JARID2: variants seen among roughly 807,000 people sequenced by gnomAD.
JARID2 encodes the protein jumonji and AT-rich interaction domain containing 2.
A neutral mutation model predicts 125.6 loss-of-function variants in JARID2; 21 were observed. That is an observed-to-expected ratio of 0.17 (90% confidence interval 0.12 to 0.24). JARID2 has a LOEUF of 0.24. Ranked by LOEUF, JARID2 falls within the 10% of genes least tolerant of loss-of-function variation. The probability of loss-of-function intolerance (pLI) is 1.00; values close to 1 mark genes in which losing one functional copy is unlikely to be tolerated. For synonymous variants in JARID2, 736 were observed against 661.6 expected (o/e 1.11, Z -1.73); for missense variants, 1,303 against 1,639.6 (o/e 0.79, Z 3.55).
chr6:15,315,004 T>C (rs1762132691), intron 1 of JARID2: 1 of 152,172 alleles, frequency 6.6e-6, no homozygotes. Context: ...GACACAGAAA[T>C]TTGTGAAGCA....
At chr6:15,358,880 G>C (rs1763695515) in intron 1 of JARID2, among the ~76,000 whole-genome samples, 1 of 152,220 alleles carries the variant, frequency 6.6e-6, no homozygotes. Flanking sequence ...TTCTAGAGCA[G>C]CCATTCTGAG....
intron 14 of JARID2, among the ~76,000 whole-genome samples, chr6:15,512,666 G>A (rs1404587266): frequency 2.0e-5 from 3 of 152,142 alleles, no homozygotes; most frequent in Non-Finnish European, 4.4e-5. Flanking sequence ...TAATTGCTTA[G>A]AATGGACAGA....
intron 1 of JARID2, among the ~76,000 whole-genome samples, chr6:15,367,122 A>G (rs189695732): frequency 6.6e-6 from 1 of 152,322 alleles, no homozygotes; most frequent in Admixed American, 6.5e-5. Flanking sequence ...TGGGTAATAA[A>G]TGACTTGACC....
rs578205060 is a variant in JARID2, at chr6:15,304,802, G to A, written c.45+58218G>A. On this transcript the variant is annotated intron_variant, in intron 1 of 17. Coordinates refer to ENST00000341776, the MANE Select transcript of JARID2 (RefSeq NM_004973.4). Reference sequence around the variant, plus strand: ...TATGAGCATTTTCTGTTTTTCCTGGGAGTCCATGGGTGTGTCCAGTGCTGG... The same window carrying A: ...TATGAGCATTTTCTGTTTTTCCTGGAAGTCCATGGGTGTGTCCAGTGCTGG... Among the ~76,000 whole-genome samples the A allele has an allele frequency of 9.9e-5, 15 of 152,228 alleles. No individual in the cohort carries two copies. In the South Asian group the frequency reaches 2.9e-3, roughly 29 times the overall value.
At chr6:15,437,874 T>C (rs142196672) in intron 3 of JARID2, among the ~76,000 whole-genome samples, 1 of 151,844 alleles carries the variant, frequency 6.6e-6, no homozygotes, top group South Asian at 2.1e-4. Flanking sequence ...GGAGGACAAA[T>C]AAATTCTTAG....
chr6:15,440,515 G>T (rs1196831332), intron 3 of JARID2, among the ~76,000 whole-genome samples: 1 of 152,206 alleles, frequency 6.6e-6, no homozygotes, highest in South Asian at 2.1e-4. Flanking sequence ...GTGCAGTGTT[G>T]AATGTTGGGA....
rs372485140 is a variant in JARID2, at chr6:15,416,447, A to C, written c.323+6082A>C. 2.6e-5 allele frequency among the ~76,000 whole-genome samples: 4 copies of C among 152,292 alleles called. No individual in the cohort carries two copies. The South Asian group carries it at 6.2e-4, about 24-fold the overall frequency. On this transcript the variant is annotated intron_variant, in intron 3 of 17. Transcript: ENST00000341776. ...CCGTCTGCAATCCCGGCACCTCGGG[A>C]GGCCGAGGCTGGCGGATCACTCGCG...
At chr6:15,337,176 A>G (rs1245647688) in intron 1 of JARID2, among the ~76,000 whole-genome samples, 3 of 152,172 alleles carry the variant, frequency 2.0e-5, no homozygotes, top group Non-Finnish European at 4.4e-5. Flanking sequence ...CTGCCGATCA[A>G]AACCCCCAGA....
At chr6:15,339,621 T>C (rs1185656218) in intron 1 of JARID2, among the ~76,000 whole-genome samples, 11 of 147,854 alleles carry the variant, frequency 7.4e-5, no homozygotes, top group Admixed American at 2.1e-4. Flanking sequence ...CCGCAACCTC[T>C]GCCTCCTGGG....
chr6:15,519,329 G>A (rs1403710551), intron 17 of JARID2, among the ~76,000 whole-genome samples: 3 of 152,130 alleles, frequency 2.0e-5, no homozygotes. Flanking sequence ...GCCTTCCGAA[G>A]GCACCTTTAA....
At chr6:15,312,450 A>C (rs938726601) in intron 1 of JARID2, among the ~76,000 whole-genome samples, 6 of 152,202 alleles carry the variant, frequency 3.9e-5, no homozygotes, top group African/African-American at 1.4e-4. Context: ...AACTGCACAC[A>C]TCTGGGTATT....
chr6:15,469,370 CTCCCCCTCTCCCCCTCTCCCCCTT>C (rs1244986681), intron 5 of JARID2, among the ~76,000 whole-genome samples: 97 of 27,530 alleles, frequency 3.5e-3, no homozygotes, highest in Middle Eastern at 0.013. Context: ...TCCTCCCCTT[CTCCCCCTCTCCCCCTCTCCCCCTT>C]TCCCCCTCTC....
chr6:15,436,418 C>T (rs1357318267), intron 3 of JARID2, among the ~76,000 whole-genome samples: 2 of 152,196 alleles, frequency 1.3e-5, no homozygotes, highest in East Asian at 3.9e-4. Flanking sequence ...GTGTCGTCTT[C>T]CGCTGATGTG....
intron 5 of JARID2, among the ~76,000 whole-genome samples, chr6:15,482,740 C>T (rs1328459496): frequency 1.3e-5 from 2 of 152,216 alleles, no homozygotes; most frequent in Non-Finnish European, 2.9e-5. Flanking sequence ...GTAGGCTCTA[C>T]TGGTAGTTTC....
At chr6:15,345,860 G>C (rs1187320965) in intron 1 of JARID2, among the ~76,000 whole-genome samples, 1 of 152,190 alleles carries the variant, frequency 6.6e-6, no homozygotes, top group Non-Finnish European at 1.5e-5. Context: ...GGCTCACACT[G>C]ATGAAGCCTT....
At chr6:15,326,226 G>C (rs1007485199) in intron 1 of JARID2, among the ~76,000 whole-genome samples, 2 of 151,910 alleles carry the variant, frequency 1.3e-5, no homozygotes, top group Non-Finnish European at 1.5e-5. Flanking sequence ...ACATTTTTTT[G>C]GGGGGTGGAA....
intron 2 of JARID2, among the ~76,000 whole-genome samples, chr6:15,383,176 T>C (rs1019476148): frequency 6.6e-6 from 1 of 152,054 alleles, no homozygotes; most frequent in Non-Finnish European, 1.5e-5. Context: ...GAATTTTTTT[T>C]TTTTTCTTTG....
chr6:15,482,754 C>CA (rs1423424346), intron 5 of JARID2, among the ~76,000 whole-genome samples: 1 of 152,222 alleles, frequency 6.6e-6, no homozygotes, highest in African/African-American at 2.4e-5. Flanking sequence ...TAGTTTCCTA[C>CA]AGGTCAGTTG....
chr6:15,452,829 T>C (rs1466561065), intron 4 of JARID2, among the ~76,000 whole-genome samples: 1 of 152,090 alleles, frequency 6.6e-6, no homozygotes, highest in African/African-American at 2.4e-5. Context: ...ACACAGAAGA[T>C]TGAGAGAATA....
Sources: gnomAD v4.1 joint callset for allele counts (sites outside exome capture counted in the v4.1 genomes callset) on GRCh38, gnomAD v4.1.1 for gene constraint, MANE v1.5 for transcripts, NCBI Gene and HGNC (gene_info 2026-07-23, HGNC 2026-07-21) for gene names.